PLEKHM2: variants seen among roughly 807,000 people sequenced by gnomAD.
PLEKHM2 encodes pleckstrin homology domain-containing family M member 2.
A neutral mutation model predicts 116.3 loss-of-function variants in PLEKHM2; 77 were observed. The ratio of observed to expected loss-of-function variants is 0.66; its 90% CI spans 0.55 to 0.80. The LOEUF is 0.80. PLEKHM2 is among the 30% of genes least tolerant of loss of function. PLEKHM2 has a pLI of 0.00. For missense variants in PLEKHM2, 1,183 were observed against 1,354.9 expected, an observed-to-expected ratio of 0.87 and a Z score of 1.99; for synonymous variants, 562 against 571.0, an observed-to-expected ratio of 0.98 and a Z score of 0.22.
rs1042561615 is a variant in PLEKHM2, at chr1:15,687,795, A to G, written c.60+3177A>G. Among the ~76,000 whole-genome samples, 18 of 152,326 alleles carry G rather than the reference A, an allele frequency of 1.2e-4. No homozygotes were observed. The East Asian group carries it at 3.5e-3, about 29-fold the overall frequency. Reference sequence around the variant, plus strand: ...GGGGTCAGATTTGTCCTTGAATGCCAGTCTCACCTAAATGTGTTATATAGC... The same window carrying G: ...GGGGTCAGATTTGTCCTTGAATGCCGGTCTCACCTAAATGTGTTATATAGC... On this transcript the variant is annotated intron_variant, in intron 1 of 19. Coordinates refer to ENST00000375799, the MANE Select transcript of PLEKHM2 (RefSeq NM_015164.4).
chr1:15,697,163 C>T (rs990899931), intron 1 of PLEKHM2, among the ~76,000 whole-genome samples: 2 of 152,212 alleles, frequency 1.3e-5, no homozygotes, highest in South Asian at 4.1e-4. Context: ...ACTCCCTTCT[C>T]CTCCGCCAGT....
intron 4 of PLEKHM2, 141 bp from the exon 5 acceptor site, chr1:15,718,397 G>T: frequency 3.1e-6 from 2 of 645,154 alleles, no homozygotes; most frequent in South Asian, 3.5e-5. Flanking sequence ...AGGGTGGTGG[G>T]CAACAGCTAT....
At position 15,733,978 on chromosome 1, in the gene PLEKHM2, C is replaced by T. The variant is rs768306027; in HGVS notation, c.*44C>T. On this transcript the variant is annotated 3_prime_UTR_variant, in exon 20 of 20. Transcript: ENST00000375799. ...CCCTGGTGGGCAGGAAAGGAAGGCA[C>T]GCCAGCCGGCAGGCACACTGTCACG... The T allele has an allele frequency of 1.6e-5, 25 of 1,580,056 alleles. No individual in the cohort carries two copies. Among genetic ancestry groups the T allele is most frequent in the Middle Eastern group, 3.4e-4 (2 of 5,944 alleles).
chr1:15,731,340 G>T (rs770390584), intron 16 of PLEKHM2, 83 bp downstream of exon 16: 11 of 1,076,296 alleles, frequency 1.0e-5, no homozygotes, highest in Non-Finnish European at 1.4e-5. Flanking sequence ...CCTGTTGGCA[G>T]TTCAGCCTCG....
chr1:15,689,875 G>C (rs540585125), intron 1 of PLEKHM2, among the ~76,000 whole-genome samples: 1 of 152,140 alleles, frequency 6.6e-6, no homozygotes, highest in South Asian at 2.1e-4. Flanking sequence ...TCGAGCCTCA[G>C]CCTCCCAAGT....
At chr1:15,703,908 C>G (rs956344985) in intron 1 of PLEKHM2, among the ~76,000 whole-genome samples, 8 of 152,092 alleles carry the variant, frequency 5.3e-5, no homozygotes, top group Non-Finnish European at 7.3e-5. Flanking sequence ...TGAGCACAAC[C>G]GAAAAATCAG....
intron 6 of PLEKHM2, chr1:15,720,224 A>G: frequency 7.3e-6 from 3 of 409,774 alleles, no homozygotes; most frequent in Non-Finnish European, 9.9e-6. Flanking sequence ...TTTCTAAGCA[A>G]GGAAGGTTTA....
chr1:15,700,777 G>T (rs535973783), intron 1 of PLEKHM2, among the ~76,000 whole-genome samples: 1 of 152,336 alleles, frequency 6.6e-6, no homozygotes, highest in South Asian at 2.1e-4. Context: ...CTCTGCAGAA[G>T]TGCTGCTGGC....
intron 17 of PLEKHM2, 115 bp downstream of exon 17, chr1:15,732,163 A>T: frequency 1.9e-6 from 2 of 1,074,522 alleles, no homozygotes; most frequent in Non-Finnish European, 2.7e-6. Context: ...ACGGACCTCC[A>T]GGGGGCAGCC....
intron 1 of PLEKHM2, among the ~76,000 whole-genome samples, chr1:15,700,346 G>T (rs1427452290): frequency 1.3e-5 from 2 of 152,124 alleles, no homozygotes; most frequent in Non-Finnish European, 2.9e-5. Flanking sequence ...TCTCCAGGTG[G>T]GATGAAGCAG....
chr1:15,688,476 AC>A (rs1366442659), intron 1 of PLEKHM2, among the ~76,000 whole-genome samples: 2 of 152,072 alleles, frequency 1.3e-5, no homozygotes, highest in Non-Finnish European at 2.9e-5. Context: ...ACATGGTGAA[AC>A]CCCATCTCTA....
In PLEKHM2 at chr1:15,716,709, T is replaced by C; in HGVS notation, c.170T>C (p.Leu57Pro). Residue 57 changes from leucine to proline, a missense_variant and splice_region_variant, in exon 3 of 20, where the codon CTG (leucine) becomes CCG (proline). By Grantham distance (98) the Leu-to-Pro change is moderately conservative (BLOSUM62 -3). Around this residue, in one of 3 missense-constraint regions of PLEKHM2, gnomAD observed 217 missense variants for 277.6 expected, o/e 0.78. Transcript: ENST00000375799. ...EHLDHALLYGLQDLSSGYWVL... is the reference protein window; with the variant it reads ...EHLDHALLYGPQDLSSGYWVL... ...CAGCTCCTGTCCTGTTTTCTCAGAC[T>C]GCAAGACCTCTCCTCTGGCTACTGG... is the stretch of plus-strand genomic sequence containing the variant. 2 of 1,564,580 alleles carry C rather than the reference T, an allele frequency of 1.3e-6. No homozygotes were observed. The highest frequency in any genetic ancestry group is 1.9e-5 in the Admixed American group (1 of 52,448).
At chr1:15,720,564 G>T in intron 6 of PLEKHM2, 5 of 790,732 alleles carry the variant, frequency 6.3e-6, no homozygotes, top group Non-Finnish European at 6.0e-6. Context: ...GGTGTTCATG[G>T]ATAAAACTGG....
intron 1 of PLEKHM2, among the ~76,000 whole-genome samples, chr1:15,710,169 G>A (rs1025495623): frequency 3.4e-5 from 5 of 148,652 alleles, no homozygotes; most frequent in Admixed American, 6.7e-5. Flanking sequence ...GGAGCTTGCA[G>A]TGAGCCGAGA....
In PLEKHM2 at chr1:15,729,673, G is replaced by T; in HGVS notation, c.2076-124G>T. ...CCGCACCTGCCGCCCTGGTCACTGG[G>T]TCTAGCCAGGTCTCTCCCCCAAGTT... On this transcript the variant is annotated intron_variant, in intron 13 of 19. Transcript: ENST00000375799. The surrounding 1 kb of genome is among the most constrained non-coding windows in gnomAD (Gnocchi z 4.7). 1.2e-6 allele frequency: 1 copy of T among 805,780 alleles called. No homozygotes were observed. Among genetic ancestry groups the T allele is most frequent in the Non-Finnish European group, 2.0e-6 (1 of 504,284 alleles). 49.9% of individuals were successfully genotyped at this position (805,780 alleles called of 1,614,324 possible).
At chr1:15,732,976 G>A (rs181236506) in intron 19 of PLEKHM2, among the ~76,000 whole-genome samples, 2 of 152,360 alleles carry the variant, frequency 1.3e-5, no homozygotes, top group East Asian at 1.9e-4. Flanking sequence ...CTGGGAGCCC[G>A]AGGCCCTCAA....
intron 15 of PLEKHM2, 68 bp downstream of exon 15, chr1:15,730,790 C>T (rs1259017270): frequency 2.2e-5 from 29 of 1,301,056 alleles, no homozygotes; most frequent in Admixed American, 1.7e-4. Context: ...AGGTCCCCAG[C>T]GGGGATCTCT....
rs552932422 is a variant in PLEKHM2 at position 15,725,424 on chromosome 1, G to C, written c.820G>C (p.Glu274Gln). ...CACCCAGCGCCAGAACCCCTTCAAC[G>C]AGGAGCCGGCAGAGACTGTGTCCTC... ...SPTQRQNPFN[E>Q]EPAETVSSSD... Residue 274 changes from glutamate to glutamine, a missense_variant, in exon 8 of 20, where the codon GAG becomes CAG. By Grantham distance (29) the Glu-to-Gln change is conservative (BLOSUM62 2). Around this residue, in one of 3 missense-constraint regions of PLEKHM2, gnomAD observed 372 missense variants for 357.2 expected, o/e 1.04. Transcript: ENST00000375799. The C allele has an allele frequency of 1.3e-6, 2 of 1,558,580 alleles. No individual in the cohort carries two copies. Among genetic ancestry groups the C allele is most frequent in the Non-Finnish European group, 1.7e-6 (2 of 1,151,620 alleles).
intron 1 of PLEKHM2, among the ~76,000 whole-genome samples, chr1:15,705,671 C>T (rs1641211906): frequency 6.6e-6 from 1 of 152,156 alleles, no homozygotes; most frequent in Admixed American, 6.6e-5. Context: ...TGCATCTGAC[C>T]CCTTCTCCTG....
Sources: gnomAD v4.1 joint callset for allele counts (sites outside exome capture counted in the v4.1 genomes callset) on GRCh38, gnomAD v4.1.1 for gene constraint, gnomAD v4.1.1 regional missense constraint, Gnocchi (gnomAD v3.1) non-coding constraint, MANE v1.5 for transcripts, NCBI Gene and HGNC (gene_info 2026-07-23, HGNC 2026-07-21) for gene names.